FAM135B: variants seen among roughly 807,000 people sequenced by gnomAD.
FAM135B encodes protein FAM135B.
A neutral mutation model predicts 127.7 loss-of-function variants in FAM135B; 43 were observed. The observed-to-expected ratio is 0.34, with a 90% CI of 0.26 to 0.43. FAM135B has a LOEUF of 0.43. Among genes scored for constraint, FAM135B ranks in the 20% least tolerant of loss-of-function variants. FAM135B has a pLI of 1.00. For missense variants in FAM135B, 1,558 were observed against 1,725.6 expected (o/e 0.90, Z 1.72); for synonymous variants, 670 against 665.1 (o/e 1.01, Z -0.11).
intron 7 of FAM135B, among the ~76,000 whole-genome samples, chr8:138,197,901 T>C (rs1816791200): frequency 6.6e-6 from 1 of 152,186 alleles, no homozygotes; most frequent in Admixed American, 6.5e-5. Context: ...CACTGAAATC[T>C]GCCACACCTT....
Position 138,372,859 on chromosome 8 carries a change from C to T in FAM135B, c.-19-4857G>A, listed in dbSNP as rs536525044. Among the ~76,000 whole-genome samples, 5 of 151,592 alleles carry T rather than the reference C, an allele frequency of 3.3e-5. No individual in the cohort carries two copies. In the East Asian group the frequency reaches 7.8e-4, roughly 24 times the overall value. On this transcript the variant is annotated intron_variant, in intron 1 of 19. Transcript: ENST00000395297. ...TGTGCTGGGAGCTTTCTAGCCATCCCAGCTGCCCAACAATGGACCAGTCCA... is the reference window on the plus strand; with the variant it reads ...TGTGCTGGGAGCTTTCTAGCCATCCTAGCTGCCCAACAATGGACCAGTCCA...
intron 3 of FAM135B, among the ~76,000 whole-genome samples, chr8:138,300,425 T>C (rs966967174): frequency 2.6e-5 from 4 of 152,182 alleles, no homozygotes; most frequent in East Asian, 3.9e-4. Context: ...ATAAAATCTG[T>C]TCCTTTTCAA....
chr8:138,292,913 T>C (rs376308723), intron 3 of FAM135B, among the ~76,000 whole-genome samples: 1 of 152,066 alleles, frequency 6.6e-6, no homozygotes, highest in Non-Finnish European at 1.5e-5. Context: ...CTAAACTTCA[T>C]GTGGAACCAA....
At chr8:138,288,481 G>C (rs1449926093) in intron 3 of FAM135B, among the ~76,000 whole-genome samples, 2 of 152,116 alleles carry the variant, frequency 1.3e-5, no homozygotes, top group Non-Finnish European at 2.9e-5. Flanking sequence ...GGGATCTGGA[G>C]GAAAGGAAGG....
At chr8:138,294,401 A>G (rs1825331677) in intron 3 of FAM135B, among the ~76,000 whole-genome samples, 1 of 152,196 alleles carries the variant, frequency 6.6e-6, no homozygotes, top group South Asian at 2.1e-4. Flanking sequence ...AATAAAAAAT[A>G]TTTTTAAAAT....
intron 7 of FAM135B, among the ~76,000 whole-genome samples, chr8:138,198,493 G>A (rs576718063): frequency 1.3e-5 from 2 of 152,178 alleles, no homozygotes; most frequent in Non-Finnish European, 2.9e-5. Context: ...CCTTGTAGCA[G>A]GTGGGTGAGC....
chr8:138,295,102 C>CTTTTTTTTTT (rs527258472), intron 3 of FAM135B, among the ~76,000 whole-genome samples: 16 of 82,214 alleles, frequency 1.9e-4, no homozygotes, highest in African/African-American at 6.9e-4. Context: ...CTTGCTGGTG[C>CTTTTTTTTTT]TTTTTTTTTT....
chr8:138,236,854 G>A (rs1820313981), intron 7 of FAM135B, among the ~76,000 whole-genome samples: 1 of 152,148 alleles, frequency 6.6e-6, no homozygotes, highest in Non-Finnish European at 1.5e-5. Flanking sequence ...ATTAAGGGTT[G>A]GCACTGAGTT....
intron 1 of FAM135B, among the ~76,000 whole-genome samples, chr8:138,446,106 A>G (rs1448148682): frequency 1.3e-5 from 2 of 152,222 alleles, no homozygotes; most frequent in African/African-American, 4.8e-5. Context: ...ACGGATGTGA[A>G]GGACCTCTTC....
Position 138,230,203 on chromosome 8 carries a change from A to T in FAM135B, c.669+12739T>A, listed in dbSNP as rs374403818. Among the ~76,000 whole-genome samples, 30 of 152,244 alleles carry T rather than the reference A, an allele frequency of 2.0e-4. No homozygotes were observed. The East Asian group carries it at 4.1e-3, about 21-fold the overall frequency. On this transcript the variant is annotated intron_variant, in intron 7 of 19. Coordinates refer to ENST00000395297, the MANE Select transcript of FAM135B (RefSeq NM_015912.4). ...AATCTCTGCCACCACGGTCATTCTG[A>T]TCAGCCACAATCTATTTCACTCTTT...
At chr8:138,343,546 A>T (rs1829197274) in intron 2 of FAM135B, among the ~76,000 whole-genome samples, 1 of 152,252 alleles carries the variant, frequency 6.6e-6, no homozygotes, top group African/African-American at 2.4e-5. Flanking sequence ...AGCCACAGCC[A>T]ACACGGTAAA....
chr8:138,424,707 C>G (rs1056384241), intron 1 of FAM135B, among the ~76,000 whole-genome samples: 1 of 152,170 alleles, frequency 6.6e-6, no homozygotes, highest in African/African-American at 2.4e-5. Context: ...TGCCTTACCC[C>G]AAAACTCTTG....
intron 3 of FAM135B, among the ~76,000 whole-genome samples, chr8:138,266,793 TACACACACATACACACAC>T (rs1822974286): frequency 4.0e-4 from 2 of 5,056 alleles, no homozygotes; most frequent in South Asian, 4.6e-3. Context: ...CACACACACA[TACACACACATACACACAC>T]GCACATACAT....
At chr8:138,237,770 C>G (rs142448008) in intron 7 of FAM135B, among the ~76,000 whole-genome samples, 81 of 152,286 alleles carry the variant, frequency 5.3e-4, no homozygotes, top group African/African-American at 1.8e-3. Context: ...GATGGCAACT[C>G]TTCCCTGGGT....
chr8:138,473,346 G>A (rs1299919674), intron 1 of FAM135B, among the ~76,000 whole-genome samples: 1 of 152,040 alleles, frequency 6.6e-6, no homozygotes, highest in African/African-American at 2.4e-5. Context: ...AAGAGTCCGT[G>A]GTGCCTACAG....
chr8:138,272,394 C>T (rs1238563776), intron 3 of FAM135B, among the ~76,000 whole-genome samples: 1 of 152,150 alleles, frequency 6.6e-6, no homozygotes, highest in Non-Finnish European at 1.5e-5. Context: ...TTTCTGACTC[C>T]TAGCCTACTC....
chr8:138,264,616 TG>T (rs1201291072), intron 4 of FAM135B, among the ~76,000 whole-genome samples: 1 of 152,182 alleles, frequency 6.6e-6, no homozygotes, highest in Non-Finnish European at 1.5e-5. Context: ...GCCAGAGATA[TG>T]TCATGTTCAC....
rs570824011 is a variant in FAM135B, at chr8:138,251,985, C to T, written c.369-971G>A. ...TTAAGACCCAACACCATAGGCTTTG[C>T]TTCCTTGAAACCCTTGTTCCTTGTG... is the stretch of plus-strand genomic sequence containing the variant. On this transcript the variant is annotated intron_variant, in intron 5 of 19. Coordinates refer to ENST00000395297, the MANE Select transcript of FAM135B (RefSeq NM_015912.4). Among the ~76,000 whole-genome samples the T allele has an allele frequency of 8.5e-5, 13 of 152,188 alleles. No homozygotes were observed. The South Asian group carries it at 2.7e-3, about 32-fold the overall frequency.
At chr8:138,193,393 T>G (rs1011487351) in intron 9 of FAM135B, among the ~76,000 whole-genome samples, 7 of 152,046 alleles carry the variant, frequency 4.6e-5, no homozygotes, top group African/African-American at 9.6e-5. Flanking sequence ...AACCTGAACA[T>G]AACAGGCACA....
Sources: gnomAD v4.1 joint callset for allele counts (sites outside exome capture counted in the v4.1 genomes callset) on GRCh38, gnomAD v4.1.1 for gene constraint, MANE v1.5 for transcripts, NCBI Gene and HGNC (gene_info 2026-07-23, HGNC 2026-07-21) for gene names.